The following ACBD6 variants were observed in gnomAD, a reference collection of about 807,000 sequenced individuals.
The protein encoded by ACBD6 is acyl-CoA binding domain containing 6, also known as acyl-CoA-binding domain-containing protein 6.
Under a neutral mutation model 37.2 loss-of-function variants are expected in ACBD6, and 28 were observed. That is an observed-to-expected ratio of 0.75 (90% CI 0.56 to 1.03). The LOEUF (loss-of-function observed/expected upper bound fraction) is 1.03. Among genes scored for constraint, ACBD6 ranks in the 50% least tolerant of loss-of-function variants. The pLI, the probability that ACBD6 is intolerant of heterozygous loss-of-function variation, is 0.00. For synonymous variants in ACBD6, 113 were observed against 126.8 expected (o/e 0.89, Z 0.73); for missense variants, 340 against 337.4 (o/e 1.01, Z -0.06).
intron 6 of ACBD6, among the ~76,000 whole-genome samples, chr1:180,338,065 T>C (rs1032628201): frequency 6.6e-6 from 1 of 152,176 alleles, no homozygotes; most frequent in East Asian, 1.9e-4. Flanking sequence ...CAAATGCTCA[T>C]GGATAGGAAG....
At chr1:180,351,763 T>C (rs1454454422) in intron 6 of ACBD6, among the ~76,000 whole-genome samples, 1 of 152,054 alleles carries the variant, frequency 6.6e-6, no homozygotes, top group Non-Finnish European at 1.5e-5. Context: ...GGCTTGGCAA[T>C]TCCTCAACAA....
intron 10 of ACBD6, chr1:180,274,405 G>T: frequency 6.2e-7 from 1 of 1,614,172 alleles, no homozygotes; most frequent in Non-Finnish European, 8.5e-7. Flanking sequence ...TGGATTACAC[G>T]GTGGACAGTA....
intron 6 of ACBD6, among the ~76,000 whole-genome samples, chr1:180,389,943 T>C (rs1336634600): frequency 1.3e-5 from 2 of 152,062 alleles, no homozygotes; most frequent in South Asian, 2.1e-4. Flanking sequence ...TTTCTCCCAT[T>C]TTGTAGGTTG....
At position 180,475,517 on chromosome 1, in the gene ACBD6, A is replaced by G. The variant is rs115555375; in HGVS notation, c.384+16752T>C. 8.3e-3 allele frequency among the ~76,000 whole-genome samples: 1,257 copies of G among 152,150 alleles called. 14 individuals carry two copies. The highest frequency in any genetic ancestry group is 0.029 in the African/African-American group (1,200 of 41,500). On this transcript the variant is annotated intron_variant, in intron 3 of 7. Transcript: ENST00000367595. ...TCCTCCCATCTCAACCTCCTGAGTA[A>G]CTGGGACCACAGGTGTAAACCACCA... is the stretch of plus-strand genomic sequence containing the variant.
chr1:180,299,077 G>A (rs1650030126), intron 7 of ACBD6, among the ~76,000 whole-genome samples: 1 of 152,198 alleles, frequency 6.6e-6, no homozygotes, highest in African/African-American at 2.4e-5. Context: ...TGAACTACTT[G>A]AGTATATGCT....
intron 7 of ACBD6, among the ~76,000 whole-genome samples, chr1:180,295,857 G>T (rs1460940098): frequency 6.6e-6 from 1 of 151,914 alleles, no homozygotes; most frequent in African/African-American, 2.4e-5. Flanking sequence ...CAATAATATT[G>T]AAATTAGGCC....
chr1:180,483,095 C>G (rs1651117700), intron 3 of ACBD6, among the ~76,000 whole-genome samples: 2 of 152,144 alleles, frequency 1.3e-5, no homozygotes, highest in Admixed American at 1.3e-4. Flanking sequence ...CCAACTCTGC[C>G]TCATTTTCTA....
intron 3 of ACBD6, among the ~76,000 whole-genome samples, chr1:180,468,072 G>T (rs1650419041): frequency 6.6e-6 from 1 of 152,160 alleles, no homozygotes; most frequent in Admixed American, 6.6e-5. Flanking sequence ...ACAAAAGATG[G>T]TACTGGCTTG....
intron 3 of ACBD6, among the ~76,000 whole-genome samples, chr1:180,486,565 A>G (rs899704327): frequency 1.3e-5 from 2 of 152,234 alleles, no homozygotes; most frequent in African/African-American, 4.8e-5. Context: ...AGAAAGGGAA[A>G]GTCCATCCTT....
At chr1:180,490,387 A>G (rs577017191) in intron 3 of ACBD6, among the ~76,000 whole-genome samples, 3 of 152,262 alleles carry the variant, frequency 2.0e-5, no homozygotes, top group African/African-American at 7.2e-5. Context: ...TCATGCCTAT[A>G]ATCCCAGCAC....
chr1:180,482,548 T>C (rs1002178600), intron 3 of ACBD6, among the ~76,000 whole-genome samples: 2 of 149,682 alleles, frequency 1.3e-5, no homozygotes, highest in Non-Finnish European at 3.0e-5. Flanking sequence ...GTATTAACAA[T>C]ATCACTGAAA....
chr1:180,313,491 AT>A (rs1459888310), intron 7 of ACBD6, among the ~76,000 whole-genome samples: 2 of 152,100 alleles, frequency 1.3e-5, no homozygotes, highest in Non-Finnish European at 2.9e-5. Context: ...ACCTTAGTTG[AT>A]TTTTTAGCTT....
At chr1:180,495,384 T>A (rs2102097060) in intron 2 of ACBD6, 77 bp downstream of exon 2, 2 of 1,046,762 alleles carry the variant, frequency 1.9e-6, no homozygotes, top group Middle Eastern at 2.1e-4. Flanking sequence ...AATTCTTTAA[T>A]CAGCTCACTG....
chr1:180,459,025 A>T (rs1650024940), intron 3 of ACBD6, among the ~76,000 whole-genome samples: 1 of 152,188 alleles, frequency 6.6e-6, no homozygotes, highest in Non-Finnish European at 1.5e-5. Context: ...CAAAGTTCTA[A>T]TAAAAGTAAT....
intron 9 of ACBD6, chr1:180,276,690 G>A (rs1349981630): frequency 6.6e-6 from 1 of 152,144 alleles, no homozygotes; most frequent in African/African-American, 2.4e-5. Flanking sequence ...AGGAGAAAAG[G>A]CTCTGCTGGG....
At chr1:180,485,911 T>C in intron 3 of ACBD6, among the ~76,000 whole-genome samples, 1 of 147,764 alleles carries the variant, frequency 6.8e-6, no homozygotes, top group East Asian at 2.0e-4. Context: ...CCAATATAAA[T>C]ACAGGAGCCA....
At chr1:180,384,385 T>A (rs1653770297) in intron 6 of ACBD6, among the ~76,000 whole-genome samples, 1 of 152,134 alleles carries the variant, frequency 6.6e-6, no homozygotes, top group South Asian at 2.1e-4. Context: ...AACAAATAGC[T>A]AACAGCTACA....
At chr1:180,332,769 C>T (rs1651535206) in intron 6 of ACBD6, among the ~76,000 whole-genome samples, 1 of 152,024 alleles carries the variant, frequency 6.6e-6, no homozygotes, top group South Asian at 2.1e-4. Flanking sequence ...ATCCTGAAAC[C>T]ATCCCCCTGA....
chr1:180,376,150 GCAA>G (rs1175905044), intron 6 of ACBD6, among the ~76,000 whole-genome samples: 1 of 108,954 alleles, frequency 9.2e-6, no homozygotes, highest in East Asian at 2.9e-4. Flanking sequence ...CTCTATCAGG[GCAA>G]AAATTCTAAA....
Sources: allele counts gnomAD v4.1 joint callset (sites outside exome capture counted in the v4.1 genomes callset), GRCh38; gene constraint gnomAD v4.1.1; transcripts MANE v1.5; gene names NCBI Gene and HGNC (gene_info 2026-07-23, HGNC 2026-07-21).